Variants in TPTE2 observed in about 807,000 individuals in gnomAD.
The protein encoded by TPTE2 is transmembrane phosphoinositide 3-phosphatase and tensin homolog 2.
In TPTE2, 53 loss-of-function variants were observed where a neutral mutation model predicts 78.6. That is an observed-to-expected ratio of 0.67 (90% CI 0.54 to 0.85). The LOEUF (loss-of-function observed/expected upper bound fraction) is 0.85. Ranked by LOEUF, TPTE2 falls within the 40% of genes least tolerant of loss-of-function variation. The pLI is 0.00. For synonymous variants in TPTE2, 175 were observed against 206.2 expected (o/e 0.85, Z 1.30); for missense variants, 461 against 623.0 (o/e 0.74, Z 2.77).
At chr13:19,474,606 G>A (rs1359060633) in intron 5 of TPTE2, among the ~76,000 whole-genome samples, 1 of 152,178 alleles carries the variant, frequency 6.6e-6, no homozygotes, top group African/African-American at 2.4e-5. Context: ...ATATTTATGG[G>A]TGCTTCTAGC....
intron 10 of TPTE2, among the ~76,000 whole-genome samples, chr13:19,455,491 C>A (rs1593366358): frequency 1.3e-5 from 2 of 152,136 alleles, no homozygotes; most frequent in African/African-American, 4.8e-5. Flanking sequence ...TAGCTCTTTC[C>A]TTTTGCCATG....
chr13:19,480,566 G>A (rs767914501), intron 4 of TPTE2, among the ~76,000 whole-genome samples: 14 of 152,044 alleles, frequency 9.2e-5, no homozygotes, highest in South Asian at 2.1e-4. Flanking sequence ...TTTATATAGT[G>A]AAAAGCAAGA....
At chr13:19,444,624 T>G (rs1437556598) in intron 13 of TPTE2, among the ~76,000 whole-genome samples, 1 of 152,114 alleles carries the variant, frequency 6.6e-6, no homozygotes, top group African/African-American at 2.4e-5. Flanking sequence ...AAAGATTCAA[T>G]TCTCCCCAGT....
At position 19,426,529 on chromosome 13, in the gene TPTE2, C is replaced by T; in HGVS notation, c.1303-12G>A. On this transcript the variant is annotated splice_polypyrimidine_tract_variant and intron_variant, in intron 17 of 19. Coordinates refer to ENST00000400230, the Ensembl canonical transcript of TPTE2. ...ATGTCATGCAATATCTATGAATGAA[C>T]ACATGGAATTGAGAACTACAAACCT... is the stretch of plus-strand genomic sequence containing the variant. 1 of 1,473,482 alleles carries T rather than the reference C, an allele frequency of 6.8e-7. No individual in the cohort carries two copies. Among genetic ancestry groups the T allele is most frequent in the Non-Finnish European group, 9.5e-7 (1 of 1,053,092 alleles). 91.3% of individuals were successfully genotyped at this position (1,473,482 alleles called of 1,614,324 possible). A position where few individuals can be genotyped will look rare whatever the true frequency, so the allele number is the denominator to read the frequency against.
chr13:19,544,527 GGCTATGGA>G, the TPTE2 span, among the ~76,000 whole-genome samples: 1 of 152,230 alleles, frequency 6.6e-6, no homozygotes, highest in South Asian at 2.1e-4. Flanking sequence ...AATAGAAAAA[GGCTATGGA>G]GCTATGTACA....
chr13:19,560,778 G>C, the TPTE2 span: 13 of 1,467,166 alleles, frequency 8.9e-6, no homozygotes, highest in Middle Eastern at 2.4e-4. Flanking sequence ...AGGGCAGCGG[G>C]TCCACCTCTG....
At chr13:19,448,963 G>A (rs1878009237) in intron 13 of TPTE2, among the ~76,000 whole-genome samples, 1 of 152,192 alleles carries the variant, frequency 6.6e-6, no homozygotes, top group African/African-American at 2.4e-5. Flanking sequence ...TTCAGCCTTA[G>A]AGGATATCCT....
intron 1 of TPTE2, among the ~76,000 whole-genome samples, chr13:19,533,054 ATGAG>A (rs780283070): frequency 7.9e-5 from 12 of 152,226 alleles, no homozygotes; most frequent in Non-Finnish European, 1.3e-4. Context: ...AAATTAATGA[ATGAG>A]TGTTATATGT....
At chr13:19,477,961 A>T (rs1393177040) in intron 4 of TPTE2, among the ~76,000 whole-genome samples, 1 of 152,206 alleles carries the variant, frequency 6.6e-6, no homozygotes, top group Non-Finnish European at 1.5e-5. Flanking sequence ...TTTCCTAAAA[A>T]CAATTACTCA....
intron 4 of TPTE2, among the ~76,000 whole-genome samples, chr13:19,479,691 C>T (rs1482862224): frequency 5.9e-5 from 9 of 152,062 alleles, no homozygotes; most frequent in East Asian, 3.9e-4. Flanking sequence ...AGGCCAGGCG[C>T]GGTGGCTCAC....
intron 1 of TPTE2, among the ~76,000 whole-genome samples, chr13:19,530,482 C>T (rs1053286876): frequency 1.3e-5 from 2 of 152,084 alleles, no homozygotes; most frequent in Non-Finnish European, 2.9e-5. Flanking sequence ...CTCTTTGGCT[C>T]GAGAACAGAA....
chr13:19,460,602 T>C (rs1878825596), intron 10 of TPTE2, among the ~76,000 whole-genome samples: 1 of 152,090 alleles, frequency 6.6e-6, no homozygotes, highest in Non-Finnish European at 1.5e-5. Flanking sequence ...CCATCCATGT[T>C]CTCTAGTCAT....
chr13:19,450,307 C>T, exon 12 of TPTE2: 1 of 1,611,046 alleles, frequency 6.2e-7, no homozygotes, highest in Non-Finnish European at 8.5e-7. Flanking sequence ...TTCTACTGAC[C>T]CTATTATGGA....
chr13:19,447,477 T>C (rs1038871491), intron 13 of TPTE2, among the ~76,000 whole-genome samples: 12 of 152,142 alleles, frequency 7.9e-5, no homozygotes, highest in African/African-American at 2.7e-4. Flanking sequence ...TTCTTAACTA[T>C]GGTATTGTAA....
intron 10 of TPTE2, among the ~76,000 whole-genome samples, chr13:19,454,068 G>A (rs544435152): frequency 6.6e-6 from 1 of 152,132 alleles, no homozygotes; most frequent in Non-Finnish European, 1.5e-5. Context: ...TGGTAGCAGT[G>A]GCCAAACTTG....
At chr13:19,469,398 G>A (rs1211342451) in intron 6 of TPTE2, among the ~76,000 whole-genome samples, 1 of 152,086 alleles carries the variant, frequency 6.6e-6, no homozygotes, top group African/African-American at 2.4e-5. Context: ...CTGTTTTTAT[G>A]CCAGTGCCAT....
upstream of TPTE2, among the ~76,000 whole-genome samples, chr13:19,507,382 A>T (rs755938893): frequency 6.6e-6 from 1 of 151,776 alleles, no homozygotes; most frequent in Non-Finnish European, 1.5e-5. Flanking sequence ...GTCTCCATAG[A>T]CAACAACAGC....
the TPTE2 span, among the ~76,000 whole-genome samples, chr13:19,548,515 G>A: frequency 6.6e-6 from 1 of 151,952 alleles, no homozygotes; most frequent in Non-Finnish European, 1.5e-5. Context: ...TAGAGGATAT[G>A]TAAGAATTGA....
At chr13:19,448,567 G>T (rs1415196019) in intron 13 of TPTE2, among the ~76,000 whole-genome samples, 1 of 152,144 alleles carries the variant, frequency 6.6e-6, no homozygotes, top group African/African-American at 2.4e-5. Context: ...ATGAGAAACT[G>T]CTAAACATCA....
Sources: gnomAD v4.1 joint callset for allele counts (sites outside exome capture counted in the v4.1 genomes callset) on GRCh38, gnomAD v4.1.1 for gene constraint, MANE v1.5 for transcripts, NCBI Gene and HGNC (gene_info 2026-07-23, HGNC 2026-07-21) for gene names.